PAM: variants seen among roughly 807,000 people sequenced by gnomAD.
PAM encodes peptidyl-glycine alpha-amidating monooxygenase.
A neutral mutation model predicts 122.1 loss-of-function variants in PAM; 72 were observed. That is an observed-to-expected ratio of 0.59 (90% CI 0.49 to 0.72). The LOEUF is 0.72. PAM is among the 30% of genes least tolerant of loss of function. The pLI, the probability that PAM is intolerant of heterozygous loss-of-function variation, is 0.00. For synonymous variants in PAM, 389 were observed against 404.4 expected (o/e 0.96, Z 0.46); for missense variants, 1,106 against 1,183.7 (o/e 0.93, Z 0.96).
intron 15 of PAM, among the ~76,000 whole-genome samples, chr5:102,989,519 C>T (rs1773310150): frequency 6.6e-6 from 1 of 152,032 alleles, no homozygotes. Context: ...AACACCCACA[C>T]ATGCAAACCC....
At chr5:102,833,354 G>T (rs1320599454) in intron 1 of PAM, among the ~76,000 whole-genome samples, 1 of 152,086 alleles carries the variant, frequency 6.6e-6, no homozygotes, top group African/African-American at 2.4e-5. Context: ...CTCCTTAAAT[G>T]GAGTCTTTGT....
intron 1 of PAM, among the ~76,000 whole-genome samples, chr5:102,851,043 G>T (rs369476647): frequency 6.6e-6 from 1 of 152,052 alleles, no homozygotes; most frequent in East Asian, 1.9e-4. Flanking sequence ...GAGGAAAGAG[G>T]GATTGGGAAA....
At chr5:103,019,889 G>A (rs888762886) in intron 23 of PAM, 46 bp downstream of exon 23, 2 of 1,181,530 alleles carry the variant, frequency 1.7e-6, no homozygotes, top group Admixed American at 3.4e-5. Context: ...GTCTGGCTGT[G>A]TTGAATTCTT....
At chr5:102,885,748 TCTA>T (rs1427597310) in intron 3 of PAM, among the ~76,000 whole-genome samples, 1 of 152,030 alleles carries the variant, frequency 6.6e-6, no homozygotes, top group Non-Finnish European at 1.5e-5. Flanking sequence ...TGAATACTGT[TCTA>T]CTATCTAACC....
At chr5:102,914,606 CTG>C (rs1802553972) in intron 5 of PAM, among the ~76,000 whole-genome samples, 1 of 152,082 alleles carries the variant, frequency 6.6e-6, no homozygotes, top group Non-Finnish European at 1.5e-5. Context: ...TCTCCAGACA[CTG>C]TGACTGGTGA....
intron 1 of PAM, among the ~76,000 whole-genome samples, chr5:102,800,844 A>T (rs1764525749): frequency 1.3e-5 from 2 of 152,116 alleles, no homozygotes; most frequent in African/African-American, 4.8e-5. Flanking sequence ...AGTGCCCAAG[A>T]TATGTGTAAT....
chr5:102,868,618 G>T (rs987135858), intron 3 of PAM, among the ~76,000 whole-genome samples: 2 of 152,194 alleles, frequency 1.3e-5, no homozygotes, highest in Admixed American at 6.5e-5. Context: ...CACTTATGAA[G>T]TGTGCCTCTT....
At chr5:102,776,834 A>G (rs973291835) in intron 1 of PAM, among the ~76,000 whole-genome samples, 4 of 152,104 alleles carry the variant, frequency 2.6e-5, no homozygotes, top group Non-Finnish European at 2.9e-5. Flanking sequence ...TAGTTCTCAG[A>G]AAAATTTTGT....
intron 5 of PAM, among the ~76,000 whole-genome samples, chr5:102,921,804 C>G (rs1470468918): frequency 6.6e-6 from 1 of 152,134 alleles, no homozygotes; most frequent in Non-Finnish European, 1.5e-5. Flanking sequence ...ATATCATTCT[C>G]TGCCCATAAA....
intron 1 of PAM, among the ~76,000 whole-genome samples, chr5:102,839,827 A>T (rs935934806): frequency 3.9e-5 from 6 of 152,172 alleles, no homozygotes; most frequent in African/African-American, 1.4e-4. Context: ...AATAAAATTC[A>T]GTGTCCTGTC....
intron 5 of PAM, among the ~76,000 whole-genome samples, chr5:102,921,940 G>A (rs571191546): frequency 1.7e-4 from 26 of 152,186 alleles, no homozygotes; most frequent in African/African-American, 6.3e-4. Flanking sequence ...ACAACTTGCT[G>A]GCAGTGTTCT....
intron 4 of PAM, among the ~76,000 whole-genome samples, chr5:102,903,536 G>A (rs192631159): frequency 8.8e-4 from 134 of 151,644 alleles, no homozygotes; most frequent in African/African-American, 3.0e-3. Context: ...GACTTAATGA[G>A]GAGCTAAGAC....
At chr5:102,795,814 C>T (rs954381834) in intron 1 of PAM, among the ~76,000 whole-genome samples, 1 of 152,100 alleles carries the variant, frequency 6.6e-6, no homozygotes, top group African/African-American at 2.4e-5. Flanking sequence ...GATTTTCATT[C>T]CTTTGTTTTG....
chr5:102,959,526 G>A (rs976435574), intron 12 of PAM, among the ~76,000 whole-genome samples: 1 of 152,050 alleles, frequency 6.6e-6, no homozygotes, highest in African/African-American at 2.4e-5. Flanking sequence ...ACTTTTCCCA[G>A]TCTATGAGTT....
In PAM at chr5:102,865,948, A is replaced by G; in HGVS notation, c.-248A>G. 2.4e-6 allele frequency: 1 copy of G among 422,500 alleles called. No homozygotes were observed. Among genetic ancestry groups the G allele is most frequent in the East Asian group, 4.2e-5 (1 of 23,820 alleles). 26.2% of individuals were successfully genotyped at this position (422,500 alleles called of 1,614,324 possible). ...ACGCGAGCGGCGCTGGAGGGAGGAA[A>G]GCTTCCGCCTGCGGGCCGGACAAAA... is the stretch of plus-strand genomic sequence containing the variant. On this transcript the variant is annotated 5_prime_UTR_variant, in exon 2 of 26. Transcript: ENST00000438793.
At chr5:103,019,572 G>T (rs941857760) in intron 22 of PAM, among the ~76,000 whole-genome samples, 3 of 152,154 alleles carry the variant, frequency 2.0e-5, no homozygotes, top group Admixed American at 6.5e-5. Context: ...TTGTAAATAT[G>T]AAGTCCTTAG....
intron 1 of PAM, among the ~76,000 whole-genome samples, chr5:102,777,205 T>A (rs2149814828): frequency 6.6e-6 from 1 of 152,136 alleles, no homozygotes; most frequent in Admixed American, 6.6e-5. Flanking sequence ...GGATATAATC[T>A]AGAGAGAAAG....
intron 1 of PAM, among the ~76,000 whole-genome samples, chr5:102,827,235 C>T (rs960248563): frequency 6.6e-6 from 1 of 152,110 alleles, no homozygotes; most frequent in Admixed American, 6.5e-5. Flanking sequence ...TGAGTACTGA[C>T]AGCTCAAAGG....
chr5:102,886,117 A>G (rs754947544), intron 3 of PAM, among the ~76,000 whole-genome samples: 28 of 152,066 alleles, frequency 1.8e-4, no homozygotes, highest in Non-Finnish European at 3.2e-4. Flanking sequence ...TTTGCAAAGC[A>G]AATCCTCCAG....
Sources: allele counts gnomAD v4.1 joint callset (sites outside exome capture counted in the v4.1 genomes callset), GRCh38; gene constraint gnomAD v4.1.1; transcripts MANE v1.5; gene names NCBI Gene and HGNC (gene_info 2026-07-23, HGNC 2026-07-21).